The following BMP1 variants were observed in gnomAD, a reference collection of about 807,000 sequenced individuals.
The protein encoded by BMP1 is bone morphogenetic protein 1, also known as mammalian tolloid protein.
A neutral mutation model predicts 116.8 loss-of-function variants in BMP1; 63 were observed. The ratio of observed to expected loss-of-function variants is 0.54; its 90% CI spans 0.44 to 0.67. The LOEUF (loss-of-function observed/expected upper bound fraction) is 0.67. BMP1 is among the 30% of genes least tolerant of loss of function. The pLI is 0.00. For synonymous variants in BMP1, 536 were observed against 533.4 expected, an observed-to-expected ratio of 1.00 and a Z score of -0.07; for missense variants, 1,183 against 1,358.9, an observed-to-expected ratio of 0.87 and a Z score of 2.04.
chr8:22,210,297 A>G (rs1214939329), intron 19 of BMP1, among the ~76,000 whole-genome samples: 4 of 151,678 alleles, frequency 2.6e-5, no homozygotes, highest in Non-Finnish European at 4.4e-5. Flanking sequence ...GCTTTTCCCT[A>G]AGGACATGGG....
Position 22,176,945 on chromosome 8 carries a change from T to G in BMP1, c.552-16T>G. The G allele has an allele frequency of 3.1e-6, 5 of 1,590,806 alleles. No homozygotes were observed. Among genetic ancestry groups the G allele is most frequent in the Non-Finnish European group, 4.3e-6 (5 of 1,167,094 alleles). On this transcript the variant is annotated splice_polypyrimidine_tract_variant and intron_variant, in intron 4 of 19. Coordinates refer to ENST00000306385, the MANE Select transcript of BMP1 (RefSeq NM_006129.5). ...CCAGCTCGGGACCGCCCCCCTGAGC[T>G]GGCCCCGCCCTCCAGGTGCTGCTCC...
chr8:22,208,397 C>G (rs531813349), intron 18 of BMP1, among the ~76,000 whole-genome samples: 5 of 152,342 alleles, frequency 3.3e-5, no homozygotes, highest in African/African-American at 4.8e-5. Flanking sequence ...TCCTGCCCCC[C>G]ACCCCATACT....
chr8:22,200,981 G>A (rs1356895745), intron 15 of BMP1: 4 of 412,000 alleles, frequency 9.7e-6, no homozygotes, highest in African/African-American at 2.1e-5. Context: ...ATGTGTGTCC[G>A]CCTGCCCTCC....
At chr8:22,208,761 T>A (rs1329612452) in intron 18 of BMP1, among the ~76,000 whole-genome samples, 1 of 152,156 alleles carries the variant, frequency 6.6e-6, no homozygotes, top group Non-Finnish European at 1.5e-5. Context: ...AAGCCACCTG[T>A]CAGGGCATCC....
At chr8:22,172,552 C>T (rs73225842) in intron 1 of BMP1, among the ~76,000 whole-genome samples, 7,047 of 149,360 alleles carry the variant, frequency 0.047, 261 homozygotes, top group Admixed American at 0.094. Context: ...AAGGTATCTT[C>T]GTTTCCCAAA....
rs545333729 is a variant in BMP1, at chr8:22,194,894, G to A, written c.1614G>A (p.Ala538=). ...TCTCTGACGGGTCCATTAACAAAGC[G>A]GGCTTTGCCGTCAACTTTTTCAAAG... ...KFVSDGSINK[A]GFAVNFFKEV... Residue 538 remains alanine, a synonymous_variant, in exon 12 of 20, where the codon GCG becomes GCA. Coordinates refer to ENST00000306385, the MANE Select transcript of BMP1 (RefSeq NM_006129.5). The surrounding 1 kb of genome is among the most constrained non-coding windows in gnomAD (Gnocchi z 4.5). 1.6e-5 allele frequency: 25 copies of A among 1,610,100 alleles called. No homozygotes were observed. In the African/African-American group the frequency reaches 1.9e-4, roughly 12 times the overall value.
chr8:22,188,932 G>A (rs1225133035), intron 8 of BMP1, among the ~76,000 whole-genome samples: 2 of 152,224 alleles, frequency 1.3e-5, no homozygotes, highest in East Asian at 1.9e-4. Flanking sequence ...GGAAGGCCAC[G>A]TGGAGGAGTG....
At chr8:22,200,253 G>C (rs1013591009) in intron 15 of BMP1, among the ~76,000 whole-genome samples, 1 of 152,230 alleles carries the variant, frequency 6.6e-6, no homozygotes, top group African/African-American at 2.4e-5. Context: ...GTGAGTGCAT[G>C]TGTGGGTCTG....
intron 2 of BMP1, among the ~76,000 whole-genome samples, chr8:22,175,938 T>C (rs1193013502): frequency 6.6e-6 from 1 of 152,180 alleles, no homozygotes; most frequent in Non-Finnish European, 1.5e-5. Context: ...ACATGCATGT[T>C]GGGTGACTGA....
chr8:22,172,706 G>A (rs1828316300), intron 1 of BMP1, among the ~76,000 whole-genome samples: 1 of 146,070 alleles, frequency 6.8e-6, no homozygotes, highest in African/African-American at 2.6e-5. Flanking sequence ...TTGACCTCCT[G>A]GGTTCAATTG....
At chr8:22,167,202 A>G (rs1404674361) in intron 1 of BMP1, among the ~76,000 whole-genome samples, 1 of 152,074 alleles carries the variant, frequency 6.6e-6, no homozygotes, top group Non-Finnish European at 1.5e-5. Context: ...TTATCCATCA[A>G]TCCATCAATA....
At chr8:22,201,035 T>C (rs780021836) in intron 15 of BMP1, 43 of 751,812 alleles carry the variant, frequency 5.7e-5, no homozygotes, top group Non-Finnish European at 8.5e-5. Context: ...GCCCTGGGTC[T>C]GGTTTTCACT....
At chr8:22,186,143 A>G (rs1828766318) in intron 8 of BMP1, among the ~76,000 whole-genome samples, 1 of 152,038 alleles carries the variant, frequency 6.6e-6, no homozygotes, top group Admixed American at 6.5e-5. Flanking sequence ...GCCCAACCCA[A>G]ATTCTTAATA....
intron 8 of BMP1, among the ~76,000 whole-genome samples, chr8:22,181,975 T>C (rs1248415399): frequency 6.6e-6 from 1 of 152,188 alleles, no homozygotes; most frequent in East Asian, 1.9e-4. Flanking sequence ...TCAGCCCTCC[T>C]AATGTGGGGA....
intron 16 of BMP1, among the ~76,000 whole-genome samples, chr8:22,202,174 C>T (rs1236649298): frequency 3.3e-5 from 5 of 152,214 alleles, no homozygotes; most frequent in Non-Finnish European, 7.3e-5. Flanking sequence ...CATTTTCAGA[C>T]TTTTCTAGTT....
intron 13 of BMP1, 84 bp from the exon 14 acceptor site, chr8:22,196,593 TCTC>T (rs1422110366): frequency 1.3e-6 from 2 of 1,585,398 alleles, no homozygotes; most frequent in East Asian, 2.2e-5. Context: ...CTCCCCATCT[TCTC>T]CTTACTGCAT....
intron 16 of BMP1, among the ~76,000 whole-genome samples, chr8:22,204,722 C>T (rs1001728885): frequency 6.6e-6 from 1 of 150,632 alleles, no homozygotes; most frequent in Non-Finnish European, 1.5e-5. Context: ...GACCCTGTCC[C>T]CCCCCACCCC....
Position 22,207,402 on chromosome 8 carries a change from T to C in BMP1, c.2461T>C (p.Phe821Leu). 6.2e-7 allele frequency: 1 copy of C among 1,614,152 alleles called. No individual in the cohort carries two copies. The highest frequency in any genetic ancestry group is 8.5e-7 in the Non-Finnish European group (1 of 1,180,036). Reference sequence around the variant, plus strand: ...CGCCAAGGCCCCCGTCCTCGGCCGCTTCTGTGGGAGCAAGAAGCCCGAGCC... The same window carrying C: ...CGCCAAGGCCCCCGTCCTCGGCCGCCTCTGTGGGAGCAAGAAGCCCGAGCC... ...RDAKAPVLGRFCGSKKPEPVL... is the reference protein window; with the variant it reads ...RDAKAPVLGRLCGSKKPEPVL... The change falls in exon 18 of 20, where the codon TTC (phenylalanine) becomes CTC (leucine). Residue 821 changes from phenylalanine to leucine, a missense_variant. By Grantham distance (22) the Phe-to-Leu change is conservative (BLOSUM62 0). This residue lies in a region of BMP1 where 956 missense variants were observed against 1,135.2 expected (regional missense o/e 0.84). Coordinates refer to ENST00000306385, the MANE Select transcript of BMP1 (RefSeq NM_006129.5).
intron 2 of BMP1, 148 bp downstream of exon 2, chr8:22,173,863 A>G (rs913876829): frequency 1.1e-5 from 6 of 540,630 alleles, no homozygotes; most frequent in Admixed American, 3.6e-5. Context: ...CCCTCGGGAT[A>G]TCTTCATCCC....
Sources: gnomAD v4.1 joint callset for allele counts (sites outside exome capture counted in the v4.1 genomes callset) on GRCh38, gnomAD v4.1.1 for gene constraint, gnomAD v4.1.1 regional missense constraint, Gnocchi (gnomAD v3.1) non-coding constraint, MANE v1.5 for transcripts, NCBI Gene and HGNC (gene_info 2026-07-23, HGNC 2026-07-21) for gene names.